Variants in TBC1D30 observed in about 807,000 individuals in gnomAD.
TBC1D30 encodes TBC1 domain family, member 30.
Under a neutral mutation model 63.2 loss-of-function variants are expected in TBC1D30, and 31 were observed. The ratio of observed to expected loss-of-function variants is 0.49; its 90% confidence interval spans 0.37 to 0.66. The LOEUF is 0.66. Among genes scored for constraint, TBC1D30 ranks in the 30% least tolerant of loss-of-function variants. The pLI is 0.00. For synonymous variants in TBC1D30, 307 were observed against 361.5 expected (o/e 0.85, Z 1.71); for missense variants, 810 against 953.6 (o/e 0.85, Z 1.98).
intron 1 of TBC1D30, among the ~76,000 whole-genome samples, chr12:64,773,304 C>T (rs1267191969): frequency 6.6e-6 from 1 of 152,132 alleles, no homozygotes; most frequent in African/African-American, 2.4e-5. Context: ...CCACCCCTGC[C>T]AGTGTTCTCT....
At position 64,877,775 on chromosome 12, in the gene TBC1D30, A is replaced by C. The variant is rs1879193170; in HGVS notation, c.*1987A>C. 1 of 152,222 alleles carries C rather than the reference A, an allele frequency of 6.6e-6. No individual in the cohort carries two copies. Among genetic ancestry groups the C allele is most frequent in the African/African-American group, 2.4e-5 (1 of 41,428 alleles). 9.4% of individuals were successfully genotyped at this position (152,222 alleles called of 1,614,324 possible). ...AAACTTTACAGATAATAGTGTTTCC[A>C]CCTCATATCCTTTTCTTTGCCCCTT... On this transcript the variant is annotated 3_prime_UTR_variant, in exon 12 of 12. Coordinates refer to ENST00000539867, the MANE Select transcript of TBC1D30 (RefSeq NM_015279.2).
At chr12:64,832,046 CAAA>C in intron 4 of TBC1D30, 70 bp from the exon 5 acceptor site, 1 of 1,156,198 alleles carries the variant, frequency 8.6e-7, no homozygotes, top group South Asian at 2.0e-5. Context: ...TTTATTGAGT[CAAA>C]AAAAAAAGGT....
chr12:64,820,487 A>G (rs1873826980), upstream of TBC1D30, among the ~76,000 whole-genome samples: 1 of 152,196 alleles, frequency 6.6e-6, no homozygotes, highest in Non-Finnish European at 1.5e-5. Context: ...AGCAATCCAA[A>G]TAACATTATC....
intron 2 of TBC1D30, among the ~76,000 whole-genome samples, chr12:64,815,428 G>C (rs1424439019): frequency 6.6e-6 from 1 of 152,198 alleles, no homozygotes; most frequent in Non-Finnish European, 1.5e-5. Context: ...CAGGAATTAT[G>C]AAGTTTAGCT....
Position 64,824,801 on chromosome 12 carries a change from G to A in TBC1D30, c.-79G>A. 6.8e-7 allele frequency: 1 copy of A among 1,479,798 alleles called. No individual in the cohort carries two copies. The highest frequency in any genetic ancestry group is 9.0e-7 in the Non-Finnish European group (1 of 1,115,590). The allele number at this position is 1,479,798 out of a possible 1,614,324, so 91.7% of individuals were successfully genotyped here. A position where few individuals can be genotyped will look rare whatever the true frequency, so the allele number is the denominator to read the frequency against. On this transcript the variant is annotated 5_prime_UTR_variant, in exon 1 of 12. Coordinates refer to ENST00000539867, the MANE Select transcript of TBC1D30 (RefSeq NM_015279.2). ...CAGCCGCAGACACTCACCCAGCTCCGCGAGCTCAGCCGCTCAGCGAGTGGG... is the reference window on the plus strand; with the variant it reads ...CAGCCGCAGACACTCACCCAGCTCCACGAGCTCAGCCGCTCAGCGAGTGGG...
chr12:64,864,027 T>C (rs962893587), intron 8 of TBC1D30, among the ~76,000 whole-genome samples: 1 of 152,138 alleles, frequency 6.6e-6, no homozygotes, highest in Non-Finnish European at 1.5e-5. Flanking sequence ...GAAATTCTGG[T>C]GGAAGCACAG....
chr12:64,807,115 G>T (rs571534742), intron 2 of TBC1D30, among the ~76,000 whole-genome samples: 11 of 152,292 alleles, frequency 7.2e-5, no homozygotes, highest in African/African-American at 2.2e-4. Flanking sequence ...TGGAGGGAAG[G>T]ACCCAGTGGG....
At chr12:64,827,947 A>T in intron 2 of TBC1D30, 51 bp downstream of exon 2, 3 of 1,162,528 alleles carry the variant, frequency 2.6e-6, no homozygotes, top group Non-Finnish European at 3.7e-6. Flanking sequence ...AACAGGGCAC[A>T]TTGAGATATA....
intron 1 of TBC1D30, chr12:64,785,732 C>T (rs1016609287): frequency 5.7e-5 from 26 of 455,776 alleles, no homozygotes; most frequent in Non-Finnish European, 7.7e-5. Context: ...TCGGAATGTC[C>T]GAGCTGAATG....
At chr12:64,778,549 CT>C (rs34519163), upstream of TBC1D30, among the ~76,000 whole-genome samples, 2,858 of 78,748 alleles carry the variant, frequency 0.036, 57 homozygotes, top group African/African-American at 0.096. Context: ...ACAGAGAAGC[CT>C]TTTTTTTTTT....
chr12:64,824,744 C>A lies in TBC1D30; in HGVS notation c.-136C>A. On this transcript the variant is annotated 5_prime_UTR_variant, in exon 1 of 12. Coordinates refer to ENST00000539867, the MANE Select transcript of TBC1D30 (RefSeq NM_015279.2). ...GTCCCCGTGACCCTCCAGCACCAGCCGGCTGTGCGCTCCCTGCTCCCACGG... is the reference window on the plus strand; with the variant it reads ...GTCCCCGTGACCCTCCAGCACCAGCAGGCTGTGCGCTCCCTGCTCCCACGG... 8.0e-7 allele frequency: 1 copy of A among 1,249,380 alleles called. No individual in the cohort carries two copies. Among genetic ancestry groups the A allele is most frequent in the Non-Finnish European group, 1.1e-6 (1 of 933,274 alleles). 77.4% of individuals were successfully genotyped at this position (1,249,380 alleles called of 1,614,324 possible).
Position 64,828,444 on chromosome 12 carries a change from TG to T in TBC1D30, c.219del (p.Trp73CysfsTer25). 6.5e-7 allele frequency: 1 copy of T among 1,535,370 alleles called. No individual in the cohort carries two copies. Among genetic ancestry groups the T allele is most frequent in the Non-Finnish European group, 8.7e-7 (1 of 1,146,286 alleles). ...CCTGGGATTTCTTCTTTGTTCCTAG[TG>T]GTACGATGCTCTCAAGGCAGTTGCC... ...PSLGQNGFQQ[W>X]YDALKAVARL... On this transcript the variant is annotated frameshift_variant and splice_region_variant, in exon 3 of 12. Coordinates refer to ENST00000539867, the MANE Select transcript of TBC1D30 (RefSeq NM_015279.2). LOFTEE classifies it high-confidence loss of function.
chr12:64,802,657 G>T (rs1379833583), intron 2 of TBC1D30, among the ~76,000 whole-genome samples: 1 of 151,286 alleles, frequency 6.6e-6, no homozygotes, highest in African/African-American at 2.4e-5. Flanking sequence ...GTCCCCCACC[G>T]CATGACAGGC....
intron 2 of TBC1D30, among the ~76,000 whole-genome samples, chr12:64,809,408 G>A (rs1282508664): frequency 6.6e-6 from 1 of 152,072 alleles, no homozygotes; most frequent in Non-Finnish European, 1.5e-5. Flanking sequence ...CTCCATCCAG[G>A]TTGCTGCAAA....
At chr12:64,780,361 T>TG (rs1871201647), upstream of TBC1D30, among the ~76,000 whole-genome samples, 1 of 152,240 alleles carries the variant, frequency 6.6e-6, no homozygotes, top group East Asian at 1.9e-4. Context: ...AGAACCCTCC[T>TG]GGGCATTATT....
At chr12:64,832,442 C>T (rs1874954401) in intron 5 of TBC1D30, 138 bp downstream of exon 5, 1 of 854,018 alleles carries the variant, frequency 1.2e-6, no homozygotes, top group Non-Finnish European at 1.7e-6. Flanking sequence ...ATAGCATTTC[C>T]TCCAGGTTAG....
chr12:64,786,168 A>G (rs774046448), intron 2 of TBC1D30: 10 of 600,968 alleles, frequency 1.7e-5, no homozygotes, highest in Non-Finnish European at 2.4e-5. Context: ...TACCCTCAGA[A>G]CTAAGAACAA....
At chr12:64,787,947 T>G (rs944864188) in intron 2 of TBC1D30, among the ~76,000 whole-genome samples, 2 of 151,872 alleles carry the variant, frequency 1.3e-5, no homozygotes, top group African/African-American at 4.8e-5. Flanking sequence ...GGCAGGAGAA[T>G]CACTTGAACC....
chr12:64,870,952 G>C (rs1878608713), intron 11 of TBC1D30, 144 bp downstream of exon 11: 1 of 800,088 alleles, frequency 1.2e-6, no homozygotes. Context: ...AGCATATTTA[G>C]CATCTCATTT....
Sources: gnomAD v4.1 joint callset for allele counts (sites outside exome capture counted in the v4.1 genomes callset) on GRCh38, gnomAD v4.1.1 for gene constraint, MANE v1.5 for transcripts, NCBI Gene and HGNC (gene_info 2026-07-23, HGNC 2026-07-21) for gene names.